Variants in TSN observed in about 807,000 individuals in gnomAD.
TSN encodes the protein translin, also known as component 3 of promoter of RISC.
A neutral mutation model predicts 29.4 loss-of-function variants in TSN; 5 were observed. The ratio of observed to expected loss-of-function variants is 0.17; its 90% CI spans 0.09 to 0.36. TSN has a LOEUF of 0.36. TSN is among the 10% of genes least tolerant of loss of function. The probability of loss-of-function intolerance (pLI) is 1.00; values close to 1 mark genes in which losing one functional copy is unlikely to be tolerated. For synonymous variants in TSN, 106 were observed against 102.2 expected (o/e 1.04, Z -0.23); for missense variants, 159 against 272.8 (o/e 0.58, Z 2.94).
intron 3 of TSN, among the ~76,000 whole-genome samples, chr2:121,760,377 C>G (rs2074807995): frequency 6.6e-6 from 1 of 152,166 alleles, no homozygotes; most frequent in African/African-American, 2.4e-5. Context: ...AGGTCAGGGA[C>G]TGCTGTTGTA....
chr2:121,763,054 C>T lies in TSN; in HGVS notation c.423C>T (p.Leu141=), dbSNP rs780284220. 1.4e-5 allele frequency: 23 copies of T among 1,610,066 alleles called. No homozygotes were observed. In the African/African-American group the frequency reaches 2.8e-4, roughly 20 times the overall value. The change falls in exon 5 of 6, where the codon CTC becomes CTT. Residue 141 remains leucine, a synonymous_variant. Coordinates refer to ENST00000389682, the MANE Select transcript of TSN (RefSeq NM_004622.3). ...TTCATCTGGATGTAGAAGATTATCTCTCAGGAGTTCTAATTCTTGCCAGTG... is the reference window on the plus strand; with the variant it reads ...TTCATCTGGATGTAGAAGATTATCTTTCAGGAGTTCTAATTCTTGCCAGTG... ...KGFHLDVEDY[L]SGVLILASEL...
chr2:121,760,663 G>A (rs1319203183), intron 3 of TSN, among the ~76,000 whole-genome samples: 2 of 152,242 alleles, frequency 1.3e-5, no homozygotes, highest in Non-Finnish European at 2.9e-5. Context: ...GATTGCAAAT[G>A]GTAATTTTGT....
In TSN at chr2:121,758,933, GAA is replaced by G. The variant is rs532081012; in HGVS notation, c.257+128_257+129del. ...AGAAGTAACAAAAAGAGAAAAAACC[GAA>G]CTAATAATGGTCATGACAAAAATTG... On this transcript the variant is annotated intron_variant, in intron 3 of 5. Transcript: ENST00000389682. The G allele has an allele frequency of 2.6e-4, 143 of 547,874 alleles. 2 individuals are homozygous for G. The highest frequency in any genetic ancestry group is 2.5e-3 in the African/African-American group (127 of 50,966). 33.9% of individuals were successfully genotyped at this position (547,874 alleles called of 1,614,324 possible).
chr2:121,762,201 G>T (rs1032905408), intron 4 of TSN, among the ~76,000 whole-genome samples: 1 of 151,622 alleles, frequency 6.6e-6, no homozygotes, highest in African/African-American at 2.4e-5. Flanking sequence ...CATGTTGGTC[G>T]GGCTAGTCTT....
intron 3 of TSN, among the ~76,000 whole-genome samples, chr2:121,759,788 G>A (rs551092688): frequency 6.6e-6 from 1 of 152,264 alleles, no homozygotes; most frequent in South Asian, 2.1e-4. Context: ...TTCAGGGGGT[G>A]GGTAGTATAA....
chr2:121,756,119 A>G, intron 1 of TSN: 1 of 564,816 alleles, frequency 1.8e-6, no homozygotes, highest in South Asian at 2.3e-5. Context: ...CGAAGGCTCG[A>G]TTAGCACCTG....
At chr2:121,757,152 A>G (rs1283554271) in intron 1 of TSN, 88 bp from the exon 2 acceptor site, 13 of 1,234,848 alleles carry the variant, frequency 1.1e-5, no homozygotes, top group South Asian at 8.0e-5. Flanking sequence ...TGGTTATGAT[A>G]GATCACATAA....
At chr2:121,756,059 C>A in intron 1 of TSN, 1 of 1,014,180 alleles carries the variant, frequency 9.9e-7, no homozygotes, top group Non-Finnish European at 1.4e-6. Context: ...TTCTCAGCAT[C>A]ACTTGCCTCG....
Position 121,763,288 on chromosome 2 carries a change from G to T in TSN, c.453+204G>T, listed in dbSNP as rs537831709. Among the ~76,000 whole-genome samples, 426 of 151,900 alleles carry T rather than the reference G, an allele frequency of 2.8e-3. 2 individuals are homozygous for T. The highest frequency in any genetic ancestry group is 8.7e-3 in the African/African-American group (360 of 41,434). On this transcript the variant is annotated intron_variant, in intron 5 of 5. Coordinates refer to ENST00000389682, the MANE Select transcript of TSN (RefSeq NM_004622.3). ...CTCCTGAGTAGCTGGGACTACAGGC[G>T]CCCGCCACCACACCCGGCTAATTTT...
intron 5 of TSN, among the ~76,000 whole-genome samples, 163 bp from the exon 6 acceptor site, chr2:121,764,971 C>G (rs1268772933): frequency 6.6e-6 from 1 of 152,172 alleles, no homozygotes; most frequent in Non-Finnish European, 1.5e-5. Flanking sequence ...CAGTGGGATT[C>G]TTTTCAGAGA....
chr2:121,759,009 G>A (rs922435831), intron 3 of TSN, among the ~76,000 whole-genome samples: 3 of 152,140 alleles, frequency 2.0e-5, no homozygotes, highest in Non-Finnish European at 4.4e-5. Context: ...TAAGGAACAT[G>A]TATTACTTTT....
rs2074891284 is a variant in TSN at position 121,765,590 on chromosome 2, G to A, written c.*223G>A. ...TTTTGTTGTTTCAGTGAATATGCCT[G>A]TAATTCAGTGTATTTCAGTTCCGTC... On this transcript the variant is annotated 3_prime_UTR_variant, in exon 6 of 6. Coordinates refer to ENST00000389682, the MANE Select transcript of TSN (RefSeq NM_004622.3). 39 of 564,432 alleles carry A rather than the reference G, an allele frequency of 6.9e-5. No individual in the cohort carries two copies. In the South Asian group the frequency reaches 8.2e-4, roughly 12 times the overall value. The allele number at this position is 564,432 out of a possible 1,614,324, so 35.0% of individuals were successfully genotyped here.
chr2:121,755,912 T>G, intron 1 of TSN, 67 bp downstream of exon 1: 5 of 1,606,360 alleles, frequency 3.1e-6, no homozygotes, highest in Non-Finnish European at 4.3e-6. Flanking sequence ...CGCCCGGCCC[T>G]CCTCTGTCGC....
rs1441598888 is a variant in TSN, at chr2:121,755,768, G to A, written c.-12G>A. 1.2e-6 allele frequency: 2 copies of A among 1,613,398 alleles called. No individual in the cohort carries two copies. The highest frequency in any genetic ancestry group is 3.3e-5 in the Admixed American group (2 of 60,032). ...CCTTGCTACACTGGCTGATTGTTGTGCAGCCGGCGCCATGTCTGTGAGCGA... is the reference window on the plus strand; with the variant it reads ...CCTTGCTACACTGGCTGATTGTTGTACAGCCGGCGCCATGTCTGTGAGCGA... On this transcript the variant is annotated 5_prime_UTR_variant, in exon 1 of 6. Transcript: ENST00000389682.
intron 4 of TSN, 110 bp downstream of exon 4, chr2:121,761,634 C>A: frequency 2.4e-6 from 2 of 820,478 alleles, no homozygotes; most frequent in Non-Finnish European, 4.1e-6. Context: ...TAACTAAAAA[C>A]CACTTATAGT....
chr2:121,760,947 G>A (rs1479072852), intron 3 of TSN, among the ~76,000 whole-genome samples: 1 of 147,330 alleles, frequency 6.8e-6, no homozygotes, highest in Non-Finnish European at 1.5e-5. Context: ...CTTGCGCACT[G>A]CAACCTCTGC....
chr2:121,756,617 A>C, intron 1 of TSN: 1 of 1,299,652 alleles, frequency 7.7e-7, no homozygotes, highest in South Asian at 1.2e-5. Context: ...TTAAAAATGA[A>C]TTAGAGGCGG....
In TSN at chr2:121,766,909, T is replaced by C. The variant is rs1356013029; in HGVS notation, c.*1542T>C. ...GAAATGAGGCATGAGTTACTGTGCATTGGGATTTTAGAACAATTTTCTTGT... is the reference window on the plus strand; with the variant it reads ...GAAATGAGGCATGAGTTACTGTGCACTGGGATTTTAGAACAATTTTCTTGT... On this transcript the variant is annotated 3_prime_UTR_variant, in exon 6 of 6. Coordinates refer to ENST00000389682, the MANE Select transcript of TSN (RefSeq NM_004622.3). The C allele has an allele frequency of 6.6e-6, 1 of 152,182 alleles. No homozygotes were observed. The highest frequency in any genetic ancestry group is 1.9e-4 in the East Asian group (1 of 5,202). The allele number at this position is 152,182 out of a possible 1,614,324, so 9.4% of individuals were successfully genotyped here.
At chr2:121,764,889 C>T (rs140403681) in intron 5 of TSN, among the ~76,000 whole-genome samples, 1 of 152,248 alleles carries the variant, frequency 6.6e-6, no homozygotes, top group African/African-American at 2.4e-5. Context: ...ATGCAATAGC[C>T]AGTTTAAGAA....
Sources: gnomAD v4.1 joint callset for allele counts (sites outside exome capture counted in the v4.1 genomes callset) on GRCh38, gnomAD v4.1.1 for gene constraint, MANE v1.5 for transcripts, NCBI Gene and HGNC (gene_info 2026-07-23, HGNC 2026-07-21) for gene names.